Variants in GTPBP1 observed in about 807,000 individuals in gnomAD.
GTPBP1 encodes the protein GTP binding protein 1.
A neutral mutation model predicts 62.0 loss-of-function variants in GTPBP1; 23 were observed. The ratio of observed to expected loss-of-function variants is 0.37; its 90% CI spans 0.27 to 0.53. GTPBP1 has a LOEUF of 0.53. GTPBP1 is among the 20% of genes least tolerant of loss of function. The pLI, the probability that GTPBP1 is intolerant of heterozygous loss-of-function variation, is 0.89. For missense variants in GTPBP1, 640 were observed against 917.3 expected, an observed-to-expected ratio of 0.70 and a Z score of 3.90; for synonymous variants, 344 against 364.4, an observed-to-expected ratio of 0.94 and a Z score of 0.64.
intron 4 of GTPBP1, among the ~76,000 whole-genome samples, chr22:38,719,776 A>C (rs1452280706): frequency 6.6e-6 from 1 of 151,922 alleles, no homozygotes; most frequent in African/African-American, 2.4e-5. Flanking sequence ...CTGTTTTTAC[A>C]ATCAAGAAAA....
At chr22:38,740,834 T>A (rs888267101), downstream of GTPBP1, 46 of 707,420 alleles carry the variant, frequency 6.5e-5, no homozygotes, top group African/African-American at 7.6e-4. This position sits in a 1 kb window ranked among gnomAD's most constrained non-coding sequence, Gnocchi z 4.8. Flanking sequence ...CCATGGCACC[T>A]CAAAGACAGG....
chr22:38,730,798 C>A lies in GTPBP1; in HGVS notation c.*94C>A, dbSNP rs1269747152. ...AGAGCAGCTATGACCGCCACCCAGCCCTCCCGCTCAGGCCACAGCCGGAGC... is the reference window on the plus strand; with the variant it reads ...AGAGCAGCTATGACCGCCACCCAGCACTCCCGCTCAGGCCACAGCCGGAGC... On this transcript the variant is annotated 3_prime_UTR_variant, in exon 12 of 12. Transcript: ENST00000216044. This position sits in a 1 kb window ranked among gnomAD's most constrained non-coding sequence, Gnocchi z 5.6. 4 of 676,716 alleles carry A rather than the reference C, an allele frequency of 5.9e-6. No individual in the cohort carries two copies. The highest frequency in any genetic ancestry group is 9.8e-6 in the Non-Finnish European group (4 of 410,016). The allele number at this position is 676,716 out of a possible 1,614,324, so 41.9% of individuals were successfully genotyped here.
chr22:38,727,987 C>T lies in GTPBP1; in HGVS notation c.1542C>T (p.His514=). 6.2e-7 allele frequency: 1 copy of T among 1,613,708 alleles called. No homozygotes were observed. Among genetic ancestry groups the T allele is most frequent in the South Asian group, 1.1e-5 (1 of 91,058 alleles). Residue 514 remains histidine, a synonymous_variant, in exon 10 of 12, where the codon CAC becomes CAT. Transcript: ENST00000216044. This position sits in a 1 kb window ranked among gnomAD's most constrained non-coding sequence, Gnocchi z 6.5. ...TISPRYQAMV[H]CGSIRQTATI... is the part of the protein sequence containing the mutation. ...GACCTCTGGCTTCCTTGACAGTGCA[C>T]TGTGGGAGCATCAGGCAGACAGCCA...
At position 38,729,470 on chromosome 22, in the gene GTPBP1, GACC is replaced by G. The variant is rs750968166; in HGVS notation, c.1730_1732del (p.Thr577del). 74 of 1,602,652 alleles carry G rather than the reference GACC, an allele frequency of 4.6e-5. 1 individual carries two copies. In the South Asian group the frequency reaches 7.2e-4, roughly 16 times the overall value. On this transcript the variant is annotated inframe_deletion, in exon 11 of 12. Transcript: ENST00000216044. ...CTCCATGGCTCCCACAGCTCCTCCA[GACC>G]ACCAACAACTCCCCAATGAACTCCA...
At chr22:38,736,332 T>G, downstream of GTPBP1, 1 of 1,613,978 alleles carries the variant, frequency 6.2e-7, no homozygotes, top group Non-Finnish European at 8.5e-7. Context: ...TGGCCCCAGT[T>G]AGTCAGGATC....
At chr22:38,734,774 A>T (rs528217660), downstream of GTPBP1, 1 of 175,990 alleles carries the variant, frequency 5.7e-6, no homozygotes, top group Non-Finnish European at 1.2e-5. Context: ...ATAAATTAGG[A>T]TCTGGAGATA....
chr22:38,741,761 T>C (rs1222305152), downstream of GTPBP1, among the ~76,000 whole-genome samples: 1 of 152,168 alleles, frequency 6.6e-6, no homozygotes, highest in East Asian at 1.9e-4. Flanking sequence ...TCAGGTACCA[T>C]GCTGGGGCTT....
At chr22:38,736,360 G>C (rs761203177), downstream of GTPBP1, 10 of 1,613,724 alleles carry the variant, frequency 6.2e-6, no homozygotes. Context: ...CCACCACCTG[G>C]TACGTGGCCA....
intron 2 of GTPBP1, among the ~76,000 whole-genome samples, chr22:38,713,432 C>A (rs940978383): frequency 1.3e-5 from 2 of 152,114 alleles, no homozygotes; most frequent in African/African-American, 4.8e-5. Context: ...AGTTAAGAGT[C>A]TGTTGTGGTG....
chr22:38,709,329 C>T lies in GTPBP1; in HGVS notation c.304+373C>T, dbSNP rs1015263697. Among the ~76,000 whole-genome samples the T allele has an allele frequency of 5.9e-5, 9 of 152,084 alleles. No individual in the cohort carries two copies. In the South Asian group the frequency reaches 1.0e-3, roughly 18 times the overall value. ...GAAATTATTTAGAGCACATTTTCCCCGCTTTTTGAACTTTTCTGCTTATGT... is the reference window on the plus strand; with the variant it reads ...GAAATTATTTAGAGCACATTTTCCCTGCTTTTTGAACTTTTCTGCTTATGT... On this transcript the variant is annotated intron_variant, in intron 2 of 11. Coordinates refer to ENST00000216044, the MANE Select transcript of GTPBP1 (RefSeq NM_004286.5).
chr22:38,706,455 G>C (rs747168849), intron 1 of GTPBP1: 34 of 238,840 alleles, frequency 1.4e-4, no homozygotes, highest in Non-Finnish European at 1.3e-4. Flanking sequence ...GATGCCAGCT[G>C]CGCTCCGCGC....
At chr22:38,740,685 C>A, downstream of GTPBP1, 1 of 573,696 alleles carries the variant, frequency 1.7e-6, no homozygotes. This position sits in a 1 kb window ranked among gnomAD's most constrained non-coding sequence, Gnocchi z 4.8. Flanking sequence ...CTCAGCCTCT[C>A]ACATCCTCCA....
chr22:38,721,639 G>A (rs1355712682), intron 4 of GTPBP1, 103 bp from the exon 5 acceptor site: 16 of 1,064,898 alleles, frequency 1.5e-5, no homozygotes, highest in Admixed American at 2.0e-5. Context: ...CGTGATTTTT[G>A]CCCAGCCCAG....
rs550716330 is a variant in GTPBP1, at chr22:38,716,514, G to A, written c.486-138G>A. ...AGGAACCTTCCCACTGTGCTCCTCC[G>A]GCTCAAGGAGGAGCTGTGAGCCGGA... On this transcript the variant is annotated intron_variant, in intron 3 of 11. Coordinates refer to ENST00000216044, the MANE Select transcript of GTPBP1 (RefSeq NM_004286.5). The surrounding 1 kb of genome is among the most constrained non-coding windows in gnomAD (Gnocchi z 5.2). The A allele has an allele frequency of 9.6e-5, 63 of 655,294 alleles. No homozygotes were observed. Among genetic ancestry groups the A allele is most frequent in the South Asian group, 1.3e-4 (7 of 53,950 alleles). The allele number at this position is 655,294 out of a possible 1,614,324, so 40.6% of individuals were successfully genotyped here.
At chr22:38,724,499 G>T in intron 6 of GTPBP1, 88 bp downstream of exon 6, 2 of 765,338 alleles carry the variant, frequency 2.6e-6, no homozygotes, top group Non-Finnish European at 4.7e-6. Context: ...TGTCAGTTTG[G>T]GCATAAGGTC....
At chr22:38,722,658 G>A in intron 5 of GTPBP1, 1 of 1,522,382 alleles carries the variant, frequency 6.6e-7, no homozygotes, top group Non-Finnish European at 8.9e-7. Context: ...GCCTTCTACA[G>A]ATAATCATCT....
At chr22:38,739,224 T>C (rs2092833453), downstream of GTPBP1, 2 of 1,196,142 alleles carry the variant, frequency 1.7e-6, no homozygotes, top group East Asian at 4.8e-5. This position sits in a 1 kb window ranked among gnomAD's most constrained non-coding sequence, Gnocchi z 6.7. Context: ...CTAGGTTGGG[T>C]GATTTCTGCT....
downstream of GTPBP1, chr22:38,740,040 G>T: frequency 7.1e-7 from 1 of 1,400,526 alleles, no homozygotes; most frequent in Non-Finnish European, 9.7e-7. This position sits in a 1 kb window ranked among gnomAD's most constrained non-coding sequence, Gnocchi z 4.8. Flanking sequence ...CAGGGATAGG[G>T]TAGGAGGGAG....
At chr22:38,738,119 G>C, downstream of GTPBP1, 1 of 1,538,056 alleles carries the variant, frequency 6.5e-7, no homozygotes, top group South Asian at 1.1e-5. This position sits in a 1 kb window ranked among gnomAD's most constrained non-coding sequence, Gnocchi z 6.6. Context: ...GGGAGCACCT[G>C]CTGCCTGGAT....
Sources: gnomAD v4.1 joint callset for allele counts (sites outside exome capture counted in the v4.1 genomes callset) on GRCh38, gnomAD v4.1.1 for gene constraint, Gnocchi (gnomAD v3.1) non-coding constraint, MANE v1.5 for transcripts, NCBI Gene and HGNC (gene_info 2026-07-23, HGNC 2026-07-21) for gene names.